The following DCC variants were observed in gnomAD, a reference collection of about 807,000 sequenced individuals.
DCC encodes DCC netrin 1 receptor, also known as netrin receptor DCC.
Under a neutral mutation model 172.5 loss-of-function variants are expected in DCC, and 58 were observed. That is an observed-to-expected ratio of 0.34 (90% CI 0.27 to 0.42). The LOEUF (loss-of-function observed/expected upper bound fraction) is 0.42. Among genes scored for constraint, DCC ranks in the 10% least tolerant of loss-of-function variants. The pLI is 1.00. For missense variants in DCC, 1,740 were observed against 1,791.0 expected (o/e 0.97, Z 0.51); for synonymous variants, 709 against 644.5 (o/e 1.10, Z -1.52).
intron 1 of DCC, among the ~76,000 whole-genome samples, chr18:52,560,344 C>A (rs977070490): frequency 2.6e-5 from 4 of 152,150 alleles, no homozygotes; most frequent in African/African-American, 9.7e-5. Flanking sequence ...AAACATTGTT[C>A]TTTCCGTTTA....
intron 15 of DCC, among the ~76,000 whole-genome samples, chr18:53,378,468 G>A (rs1183899747): frequency 6.6e-6 from 1 of 152,154 alleles, no homozygotes. Flanking sequence ...GCAAGTGAGA[G>A]AGGAAAATAT....
At chr18:53,219,403 A>C (rs775853316) in intron 12 of DCC, among the ~76,000 whole-genome samples, 13 of 152,142 alleles carry the variant, frequency 8.5e-5, no homozygotes, top group Non-Finnish European at 1.3e-4. Context: ...TAGTTCAGAT[A>C]TATATTGACT....
chr18:53,309,009 C>T (rs970839614), intron 13 of DCC, among the ~76,000 whole-genome samples: 3 of 151,938 alleles, frequency 2.0e-5, no homozygotes, highest in Non-Finnish European at 2.9e-5. Flanking sequence ...TTTATACTTT[C>T]CTCTCTGTGT....
chr18:53,484,526 C>G (rs1468367307), intron 25 of DCC, among the ~76,000 whole-genome samples: 2 of 151,938 alleles, frequency 1.3e-5, no homozygotes, highest in African/African-American at 4.8e-5. Context: ...AATCAAGGAG[C>G]TTTTCACCTA....
intron 12 of DCC, among the ~76,000 whole-genome samples, chr18:53,299,987 T>C (rs2057113471): frequency 6.6e-6 from 1 of 152,176 alleles, no homozygotes; most frequent in Non-Finnish European, 1.5e-5. Context: ...GCAAAAAATA[T>C]GTTAACAAAT....
intron 5 of DCC, among the ~76,000 whole-genome samples, chr18:53,037,893 T>A (rs138622983): frequency 1.2e-3 from 179 of 151,988 alleles, no homozygotes; most frequent in African/African-American, 4.2e-3. Flanking sequence ...TGTTCTATAA[T>A]GTTTGACATT....
intron 5 of DCC, among the ~76,000 whole-genome samples, chr18:53,032,733 A>G (rs1268367681): frequency 6.6e-6 from 1 of 152,132 alleles, no homozygotes; most frequent in African/African-American, 2.4e-5. Flanking sequence ...TGAGAGCTTT[A>G]GGGTACAGAG....
At chr18:52,624,800 G>A (rs757188076) in intron 1 of DCC, among the ~76,000 whole-genome samples, 19 of 152,264 alleles carry the variant, frequency 1.2e-4, no homozygotes, top group South Asian at 1.2e-3. Context: ...ATCTCATTAA[G>A]GAGGCAAGAC....
At chr18:52,815,415 C>CGT (rs1334595981) in intron 2 of DCC, among the ~76,000 whole-genome samples, 3 of 28,192 alleles carry the variant, frequency 1.1e-4, no homozygotes, top group Non-Finnish European at 2.3e-4. Flanking sequence ...CACACGTACA[C>CGT]ACACACACAC....
chr18:52,585,806 G>A (rs1044300610), intron 1 of DCC, among the ~76,000 whole-genome samples: 3 of 152,210 alleles, frequency 2.0e-5, no homozygotes, highest in South Asian at 2.1e-4. Flanking sequence ...ACTGTCGGCC[G>A]GGCGCGGTGG....
At chr18:53,529,485 T>C (rs115865509) in intron 28 of DCC, among the ~76,000 whole-genome samples, 2,198 of 152,266 alleles carry the variant, frequency 0.014, 69 homozygotes, top group African/African-American at 0.051. Flanking sequence ...TCAACTAATA[T>C]GTTCAAGAAA....
At chr18:52,740,222 C>T (rs1335545649) in intron 1 of DCC, among the ~76,000 whole-genome samples, 1 of 152,178 alleles carries the variant, frequency 6.6e-6, no homozygotes, top group African/African-American at 2.4e-5. Flanking sequence ...GAACTTAAGT[C>T]ACCATCTATA....
chr18:52,836,545 G>C (rs925297259), intron 2 of DCC, among the ~76,000 whole-genome samples: 4 of 152,208 alleles, frequency 2.6e-5, no homozygotes, highest in Non-Finnish European at 5.9e-5. Context: ...ATGCAAGTCT[G>C]AAATCCAACA....
In DCC at chr18:53,089,451, C is replaced by A. The variant is rs548669738; in HGVS notation, c.1261+23285C>A. On this transcript the variant is annotated intron_variant, in intron 7 of 28. Transcript: ENST00000442544. ...CTTGTGTCTACTTCTGCCTCATTGT[C>A]TATGGAAAAAGAAGGCATTTATGCT... Among the ~76,000 whole-genome samples, 92 of 151,974 alleles carry A rather than the reference C, an allele frequency of 6.1e-4. No individual in the cohort carries two copies. The Middle Eastern group carries it at 0.014, about 22-fold the overall frequency.
intron 2 of DCC, among the ~76,000 whole-genome samples, chr18:52,792,270 C>T (rs1305399252): frequency 6.6e-6 from 1 of 152,192 alleles, no homozygotes; most frequent in African/African-American, 2.4e-5. Context: ...GTTACTACAA[C>T]ATTCCCAGAT....
At chr18:53,381,218 A>T (rs919473510) in intron 15 of DCC, among the ~76,000 whole-genome samples, 2 of 152,044 alleles carry the variant, frequency 1.3e-5, no homozygotes, top group African/African-American at 2.4e-5. Flanking sequence ...GGTATTTTTA[A>T]TTTTTTTTCT....
At chr18:53,098,993 A>G (rs898631934) in intron 7 of DCC, among the ~76,000 whole-genome samples, 3 of 152,224 alleles carry the variant, frequency 2.0e-5, no homozygotes, top group East Asian at 3.9e-4. Context: ...TGTGTGACAT[A>G]GCAAGACCTC....
rs556876714 is a variant in DCC, at chr18:53,207,707, A to C, written c.1751A>C (p.Lys584Thr). 6.2e-7 allele frequency: 1 copy of C among 1,613,758 alleles called. No homozygotes were observed. Among genetic ancestry groups the C allele is most frequent in the East Asian group, 2.2e-5 (1 of 44,858 alleles). Residue 584 changes from lysine (K) to threonine (T), a missense_variant, in exon 11 of 29, where the codon AAA becomes ACA. Transcript: ENST00000442544. ...QNIEVDGLSY[K>T]LEGLKKFTEY... ...ATAGAGGTTGATGGACTATCTTATA[A>C]ACTGGAAGGCCTGAAAAAATTCACC...
chr18:52,413,952 G>A (rs142675462), intron 1 of DCC, among the ~76,000 whole-genome samples: 4 of 152,222 alleles, frequency 2.6e-5, no homozygotes, highest in Non-Finnish European at 4.4e-5. Flanking sequence ...TTACGTACAC[G>A]TGTGTATCTA....
Sources: gnomAD v4.1 joint callset for allele counts (sites outside exome capture counted in the v4.1 genomes callset) on GRCh38, gnomAD v4.1.1 for gene constraint, MANE v1.5 for transcripts, NCBI Gene and HGNC (gene_info 2026-07-23, HGNC 2026-07-21) for gene names.